Variants in FHIP1A observed in about 807,000 individuals in gnomAD.
FHIP1A encodes the protein FHF complex subunit HOOK-interacting protein 1A.
Under a neutral mutation model 88.6 loss-of-function variants are expected in FHIP1A, and 61 were observed. The ratio of observed to expected loss-of-function variants is 0.69; its 90% CI spans 0.56 to 0.85. The LOEUF is 0.85. Among genes scored for constraint, FHIP1A ranks in the 40% least tolerant of loss-of-function variants. The probability of loss-of-function intolerance (pLI) is 0.00; values close to 1 mark genes in which losing one functional copy is unlikely to be tolerated. For synonymous variants in FHIP1A, 478 were observed against 496.0 expected (o/e 0.96, Z 0.48); for missense variants, 1,154 against 1,273.5 (o/e 0.91, Z 1.43).
At chr4:151,470,599 G>T (rs1322756640) in intron 2 of FHIP1A, among the ~76,000 whole-genome samples, 1 of 152,104 alleles carries the variant, frequency 6.6e-6, no homozygotes, top group Non-Finnish European at 1.5e-5. Context: ...ATCTTTTTAT[G>T]AGGAATATAC....
In FHIP1A at chr4:151,426,513, A is replaced by C. The variant is rs201749526; in HGVS notation, c.-356+17048A>C. Among the ~76,000 whole-genome samples the C allele has an allele frequency of 3.1e-4, 47 of 152,288 alleles. No individual in the cohort carries two copies. In the East Asian group the frequency reaches 7.9e-3, roughly 26 times the overall value. On this transcript the variant is annotated intron_variant, in intron 1 of 13. Transcript: ENST00000435205. Reference sequence around the variant, plus strand: ...AGTTCAGAAATTATAAAATGACCTGAGGTTTAAATAGGATAATCAATTTTT... The same window carrying C: ...AGTTCAGAAATTATAAAATGACCTGCGGTTTAAATAGGATAATCAATTTTT...
chr4:151,580,714 G>A (rs1339337496), intron 5 of FHIP1A, among the ~76,000 whole-genome samples: 3 of 152,152 alleles, frequency 2.0e-5, no homozygotes, highest in Admixed American at 6.5e-5. Flanking sequence ...ATATAAGTAC[G>A]TGAAGTGAAA....
intron 3 of FHIP1A, among the ~76,000 whole-genome samples, chr4:151,547,023 G>A (rs1435992280): frequency 6.6e-6 from 1 of 152,040 alleles, no homozygotes; most frequent in Non-Finnish European, 1.5e-5. Flanking sequence ...AAACTGCATG[G>A]CAGTTTTTTC....
chr4:151,548,280 G>A (rs1465273120), intron 3 of FHIP1A, among the ~76,000 whole-genome samples: 1 of 152,126 alleles, frequency 6.6e-6, no homozygotes, highest in Non-Finnish European at 1.5e-5. Flanking sequence ...AAATATCAGA[G>A]TAATATTTAA....
chr4:151,551,380 A>G (rs1019169659), intron 3 of FHIP1A, among the ~76,000 whole-genome samples: 2 of 152,220 alleles, frequency 1.3e-5, no homozygotes, highest in African/African-American at 4.8e-5. Flanking sequence ...TGCCAAGACA[A>G]TCCTAAGCCA....
chr4:151,516,614 A>G (rs1731248103), intron 3 of FHIP1A, among the ~76,000 whole-genome samples: 1 of 152,198 alleles, frequency 6.6e-6, no homozygotes, highest in African/African-American at 2.4e-5. Context: ...AGAAAAAAAC[A>G]AACAACCCCA....
At chr4:151,412,665 TTC>T (rs199893682) in intron 1 of FHIP1A, among the ~76,000 whole-genome samples, 2 of 118,598 alleles carry the variant, frequency 1.7e-5, no homozygotes, top group East Asian at 2.7e-4. Flanking sequence ...CTTTCTTTCT[TTC>T]TCTCTCTCTC....
At chr4:151,432,801 A>G (rs1296142068) in intron 1 of FHIP1A, among the ~76,000 whole-genome samples, 2 of 152,172 alleles carry the variant, frequency 1.3e-5, no homozygotes, top group Non-Finnish European at 2.9e-5. Context: ...TCAGAAGTCT[A>G]GGCTAGACAG....
chr4:151,602,102 CAT>C (rs947126951), intron 7 of FHIP1A, among the ~76,000 whole-genome samples: 40 of 152,186 alleles, frequency 2.6e-4, no homozygotes, highest in African/African-American at 9.1e-4. Context: ...CTTCCCACGA[CAT>C]GTGGGAATTG....
At chr4:151,611,355 A>C (rs1044268885) in intron 7 of FHIP1A, among the ~76,000 whole-genome samples, 15 of 152,200 alleles carry the variant, frequency 9.9e-5, no homozygotes, top group Non-Finnish European at 1.9e-4. Context: ...TGCTGGAGAA[A>C]TTTAAAGGAA....
At chr4:151,514,101 G>A (rs971321359) in intron 3 of FHIP1A, among the ~76,000 whole-genome samples, 13 of 152,144 alleles carry the variant, frequency 8.5e-5, no homozygotes, top group Admixed American at 2.0e-4. Context: ...GTAACAAACT[G>A]TCTCTCAGAC....
chr4:151,642,469 A>ACAACAACAACAACAT (rs1736623008), intron 9 of FHIP1A, among the ~76,000 whole-genome samples: 2 of 152,156 alleles, frequency 1.3e-5, no homozygotes, highest in Admixed American at 6.6e-5. Flanking sequence ...AACAACAACA[A>ACAACAACAACAACAT]CAACAACAAC....
At chr4:151,651,798 G>A (rs1737040015) in intron 11 of FHIP1A, among the ~76,000 whole-genome samples, 2 of 152,184 alleles carry the variant, frequency 1.3e-5, no homozygotes, top group African/African-American at 4.8e-5. Flanking sequence ...ACTGATGCCT[G>A]AAGATTTGTA....
At chr4:151,459,280 G>T (rs1729069956) in intron 2 of FHIP1A, among the ~76,000 whole-genome samples, 1 of 152,058 alleles carries the variant, frequency 6.6e-6, no homozygotes, top group African/African-American at 2.4e-5. Flanking sequence ...ATATAAGAAG[G>T]TAAGATTGAT....
At chr4:151,497,248 T>A (rs1455070706) in intron 3 of FHIP1A, among the ~76,000 whole-genome samples, 4 of 152,200 alleles carry the variant, frequency 2.6e-5, no homozygotes, top group Admixed American at 2.6e-4. Flanking sequence ...AAACTCTAAT[T>A]ATGCTTTTAA....
intron 5 of FHIP1A, among the ~76,000 whole-genome samples, chr4:151,583,923 C>T (rs1383589647): frequency 6.6e-6 from 1 of 151,772 alleles, no homozygotes; most frequent in East Asian, 1.9e-4. Flanking sequence ...CCAAAGATGC[C>T]CTGATTTTTT....
intron 3 of FHIP1A, among the ~76,000 whole-genome samples, chr4:151,517,362 T>G (rs1731280924): frequency 6.6e-6 from 1 of 151,982 alleles, no homozygotes; most frequent in Admixed American, 6.6e-5. Flanking sequence ...AATGATGAGT[T>G]AATGGGTGCA....
chr4:151,606,531 G>A (rs544274286), intron 7 of FHIP1A, among the ~76,000 whole-genome samples: 4 of 152,278 alleles, frequency 2.6e-5, no homozygotes, highest in African/African-American at 9.6e-5. Flanking sequence ...AGCCCCAAAC[G>A]AGGCACCATC....
At chr4:151,499,117 G>T (rs1229739186) in intron 3 of FHIP1A, among the ~76,000 whole-genome samples, 1 of 152,180 alleles carries the variant, frequency 6.6e-6, no homozygotes, top group African/African-American at 2.4e-5. Context: ...TATATTTTGG[G>T]CTAGAAATTA....
Sources: gnomAD v4.1 joint callset for allele counts (sites outside exome capture counted in the v4.1 genomes callset) on GRCh38, gnomAD v4.1.1 for gene constraint, MANE v1.5 for transcripts, NCBI Gene and HGNC (gene_info 2026-07-23, HGNC 2026-07-21) for gene names.